The following UTRN variants were observed in gnomAD, a reference collection of about 807,000 sequenced individuals.
The protein encoded by UTRN is dystrophin-related protein 1.
In UTRN, 283 loss-of-function variants were observed where a neutral mutation model predicts 463.9. The observed-to-expected ratio is 0.61, with a 90% CI of 0.55 to 0.67. UTRN has a LOEUF of 0.67. Ranked by LOEUF, UTRN falls within the 30% of genes least tolerant of loss-of-function variation. UTRN has a pLI of 0.00. For synonymous variants in UTRN, 1,442 were observed against 1,431.5 expected (o/e 1.01, Z -0.17); for missense variants, 3,922 against 4,084.3 (o/e 0.96, Z 1.08).
chr6:144,419,644 C>G (rs1265334542), intron 3 of UTRN, among the ~76,000 whole-genome samples: 1 of 152,140 alleles, frequency 6.6e-6, no homozygotes, highest in Admixed American at 6.5e-5. Flanking sequence ...CATATGAACT[C>G]CCTGAATCTG....
intron 52 of UTRN, among the ~76,000 whole-genome samples, chr6:144,679,883 A>G (rs113613394): frequency 4.5e-4 from 68 of 152,244 alleles, no homozygotes; most frequent in African/African-American, 1.5e-3. Context: ...CAGCATGGAC[A>G]TGGATGCTCT....
intron 51 of UTRN, among the ~76,000 whole-genome samples, chr6:144,594,871 A>G (rs1384521559): frequency 1.3e-5 from 2 of 152,276 alleles, no homozygotes; most frequent in East Asian, 3.9e-4. Flanking sequence ...AAACCATGGG[A>G]TTAGGTAAAA....
rs1008159972 is a variant in UTRN, at chr6:144,409,120, T to C, written c.141+5936T>C. 3.7e-4 allele frequency among the ~76,000 whole-genome samples: 57 copies of C among 152,252 alleles called. 1 individual carries two copies. ...AGAAAACAATAAAATGTACTCCATA[T>C]TCTTAAACACCAGCTTCCAGATACT... On this transcript the variant is annotated intron_variant, in intron 3 of 74. Transcript: ENST00000367545.
At chr6:144,571,684 A>T (rs1260470683) in intron 50 of UTRN, among the ~76,000 whole-genome samples, 1 of 152,200 alleles carries the variant, frequency 6.6e-6, no homozygotes, top group African/African-American at 2.4e-5. Context: ...TTACCAGCTA[A>T]AAACTGAGGT....
intron 53 of UTRN, chr6:144,708,260 C>G (rs1478850295): frequency 1.5e-6 from 1 of 646,680 alleles, no homozygotes; most frequent in African/African-American, 1.8e-5. Flanking sequence ...TGCTTCAATA[C>G]TTGGAATTGC....
intron 29 of UTRN, among the ~76,000 whole-genome samples, chr6:144,488,001 G>A (rs1478928768): frequency 6.6e-6 from 1 of 152,172 alleles, no homozygotes; most frequent in East Asian, 1.9e-4. Context: ...TACTATCCTA[G>A]TAAATATTAG....
intron 54 of UTRN, among the ~76,000 whole-genome samples, chr6:144,741,892 C>G (rs1161368771): frequency 6.6e-6 from 1 of 152,132 alleles, no homozygotes; most frequent in Non-Finnish European, 1.5e-5. Context: ...ATTTAGACTC[C>G]AGTTCTGCCT....
At chr6:144,470,024 G>C (rs1790362626) in intron 23 of UTRN, among the ~76,000 whole-genome samples, 1 of 152,144 alleles carries the variant, frequency 6.6e-6, no homozygotes, top group South Asian at 2.1e-4. Context: ...TGGGGGCAAG[G>C]TTATAGACCA....
chr6:144,633,984 AT>A (rs1470111009), intron 51 of UTRN, among the ~76,000 whole-genome samples: 7 of 152,242 alleles, frequency 4.6e-5, no homozygotes, highest in African/African-American at 1.7e-4. Context: ...CTGCTTTTAA[AT>A]GTCTAGCTGC....
chr6:144,678,939 T>G lies in UTRN; in HGVS notation c.7652+361T>G, dbSNP rs79847827. On this transcript the variant is annotated intron_variant, in intron 52 of 74. Transcript: ENST00000367545. ...TCGTAATCAAAAAATCCTAGTAAGGTGGGTGGTAACATTATTTCTTCTATG... is the reference window on the plus strand; with the variant it reads ...TCGTAATCAAAAAATCCTAGTAAGGGGGGTGGTAACATTATTTCTTCTATG... Among the ~76,000 whole-genome samples the G allele has an allele frequency of 0.049, 7,399 of 152,128 alleles. 783 individuals carry two copies. The East Asian group carries it at 0.51, about 10-fold the overall frequency.
chr6:144,448,596 T>A lies in UTRN; in HGVS notation c.1903-4T>A. 3 of 1,611,278 alleles carry A rather than the reference T, an allele frequency of 1.9e-6. No homozygotes were observed. Among genetic ancestry groups the A allele is most frequent in the Non-Finnish European group, 2.5e-6 (3 of 1,178,838 alleles). ...ATTGAAATTTTGGATGGCTTTTATT[T>A]CAGGTGACTCAGGCTGTAGCAAAGC... On this transcript the variant is annotated splice_region_variant and splice_polypyrimidine_tract_variant and intron_variant, in intron 16 of 74. Coordinates refer to ENST00000367545, the MANE Select transcript of UTRN (RefSeq NM_007124.3).
chr6:144,432,304 G>A (rs1338681248), intron 9 of UTRN, among the ~76,000 whole-genome samples: 1 of 152,156 alleles, frequency 6.6e-6, no homozygotes, highest in Non-Finnish European at 1.5e-5. Context: ...TTTAAATGGA[G>A]CCTTTTCAGA....
rs1798862360 is a variant in UTRN, at chr6:144,551,066, A to G, written c.6912A>G (p.Thr2304=). ...KNKASSSDMR[T]AITEKLERVK... ...AAGCTTCCAGTTCAGATATGAGAAC[A>G]GCAATTACAGAAAAATGTAAGTTTT... The change falls in exon 48 of 75, where the codon ACA becomes ACG. Residue 2304 remains threonine, a synonymous_variant. Transcript: ENST00000367545. 1.3e-6 allele frequency: 2 copies of G among 1,591,460 alleles called. No individual in the cohort carries two copies. The highest frequency in any genetic ancestry group is 1.4e-5 in the African/African-American group (1 of 73,324).
chr6:144,675,550 G>T (rs1455477813), intron 51 of UTRN, among the ~76,000 whole-genome samples: 1 of 152,186 alleles, frequency 6.6e-6, no homozygotes, highest in Non-Finnish European at 1.5e-5. Context: ...GGGTTGTTCT[G>T]TTATGAGTTG....
At chr6:144,438,181 G>A (rs1274624115) in intron 11 of UTRN, among the ~76,000 whole-genome samples, 3 of 152,152 alleles carry the variant, frequency 2.0e-5, no homozygotes, top group Admixed American at 6.5e-5. Flanking sequence ...TATGAGGATC[G>A]CTTGAACTCA....
chr6:144,602,058 A>G (rs1157779273), intron 51 of UTRN, among the ~76,000 whole-genome samples: 2 of 152,158 alleles, frequency 1.3e-5, no homozygotes, highest in Non-Finnish European at 2.9e-5. Context: ...TTTAAGCAAA[A>G]TGTCATATAA....
intron 51 of UTRN, among the ~76,000 whole-genome samples, chr6:144,629,002 C>T (rs1776233353): frequency 6.6e-6 from 1 of 152,030 alleles, no homozygotes; most frequent in African/African-American, 2.4e-5. Context: ...TAATGATTAC[C>T]CTGTGTATGG....
At chr6:144,726,772 G>C (rs1441062302) in intron 53 of UTRN, among the ~76,000 whole-genome samples, 2 of 152,086 alleles carry the variant, frequency 1.3e-5, no homozygotes, top group African/African-American at 4.8e-5. Flanking sequence ...CTGTGATATG[G>C]CTAAATCTAG....
At chr6:144,691,448 A>G (rs1783407567) in intron 52 of UTRN, among the ~76,000 whole-genome samples, 2 of 152,140 alleles carry the variant, frequency 1.3e-5, no homozygotes, top group African/African-American at 4.8e-5. Flanking sequence ...GCACATCCTA[A>G]AGTATTTTCA....
Sources: allele counts gnomAD v4.1 joint callset (sites outside exome capture counted in the v4.1 genomes callset), GRCh38; gene constraint gnomAD v4.1.1; transcripts MANE v1.5; gene names NCBI Gene and HGNC (gene_info 2026-07-23, HGNC 2026-07-21).